RHOU: variants seen among roughly 807,000 people sequenced by gnomAD.
RHOU encodes the protein ras homolog family member U.
Under a neutral mutation model 12.6 loss-of-function variants are expected in RHOU, and 8 were observed. The observed-to-expected ratio is 0.64, with a 90% CI of 0.37 to 1.15. The LOEUF is 1.15. Among genes scored for constraint, RHOU ranks in the 50% most tolerant of loss-of-function variants. The pLI, the probability that RHOU is intolerant of heterozygous loss-of-function variation, is 0.01. For missense variants in RHOU, 258 were observed against 347.0 expected (o/e 0.74, Z 2.04); for synonymous variants, 161 against 147.4 (o/e 1.09, Z -0.67).
chr1:228,701,502 C>G, the RHOU span, among the ~76,000 whole-genome samples: 1 of 151,820 alleles, frequency 6.6e-6, no homozygotes, highest in Non-Finnish European at 1.5e-5. Context: ...TATTACTTTA[C>G]AAAAATCTTG....
At chr1:228,707,566 C>T in the RHOU span, among the ~76,000 whole-genome samples, 38 of 151,560 alleles carry the variant, frequency 2.5e-4, no homozygotes, top group Admixed American at 6.6e-5. Flanking sequence ...CTCACACGGC[C>T]GGGTACTCCA....
chr1:228,730,514 C>T (rs981457626), upstream of RHOU, among the ~76,000 whole-genome samples: 7 of 152,190 alleles, frequency 4.6e-5, no homozygotes, highest in Non-Finnish European at 8.8e-5. Flanking sequence ...GACCCTCCTC[C>T]ACTTCCCTTC....
In RHOU at chr1:228,745,483, G is replaced by A. The variant is rs577598672; in HGVS notation, c.*1743G>A. On this transcript the variant is annotated 3_prime_UTR_variant, in exon 3 of 3. Coordinates refer to ENST00000366691, the MANE Select transcript of RHOU (RefSeq NM_021205.6). Reference sequence around the variant, plus strand: ...AGTAAAAGATCAGGTTATACTTTAGGTTAGGGGTTCTATTTATTCCTGTTA... The same window carrying A: ...AGTAAAAGATCAGGTTATACTTTAGATTAGGGGTTCTATTTATTCCTGTTA... 6.6e-6 allele frequency: 1 copy of A among 152,142 alleles called. No individual in the cohort carries two copies. The highest frequency in any genetic ancestry group is 1.5e-5 in the Non-Finnish European group (1 of 68,028). The allele number at this position is 152,142 out of a possible 1,614,324, so 9.4% of individuals were successfully genotyped here.
In RHOU at chr1:228,737,705, C is replaced by T; in HGVS notation, c.295C>T (p.Leu99Phe). Residue 99 changes from leucine (L) to phenylalanine (F), a missense_variant, in exon 2 of 3, where the codon CTC becomes TTC. Physicochemically the swap from Leu to Phe is conservative, Grantham distance 22. Coordinates refer to ENST00000366691, the MANE Select transcript of RHOU (RefSeq NM_021205.6). The surrounding 1 kb of genome is among the most constrained non-coding windows in gnomAD (Gnocchi z 4.1). ...VVSVDGRPVR[L>F]QLCDTAGQDE... ...GTCTGTGGATGGGCGGCCCGTGAGA[C>T]TCCAACTCTGTGACACTGCCGGACA... 1.2e-6 allele frequency: 2 copies of T among 1,614,166 alleles called. No homozygotes were observed. The highest frequency in any genetic ancestry group is 1.1e-5 in the South Asian group (1 of 91,074).
chr1:228,714,443 T>G, the RHOU span, among the ~76,000 whole-genome samples: 1 of 152,174 alleles, frequency 6.6e-6, no homozygotes, highest in Non-Finnish European at 1.5e-5. Context: ...ATGATCTAGG[T>G]CTCGTGCATT....
upstream of RHOU, among the ~76,000 whole-genome samples, chr1:228,734,674 CAGG>C (rs1311190345): frequency 1.3e-5 from 2 of 152,154 alleles, no homozygotes; most frequent in African/African-American, 4.8e-5. Context: ...TGTACACCCC[CAGG>C]ACTCTTGGTA....
chr1:228,664,162 TG>T, the RHOU span, among the ~76,000 whole-genome samples: 3 of 151,078 alleles, frequency 2.0e-5, no homozygotes, highest in Non-Finnish European at 4.4e-5. Context: ...GGACTACAGA[TG>T]TGTGCCACCA....
upstream of RHOU, among the ~76,000 whole-genome samples, chr1:228,734,040 C>G (rs1662545282): frequency 6.6e-6 from 1 of 152,104 alleles, no homozygotes; most frequent in Admixed American, 6.5e-5. Context: ...ATTCTGTATC[C>G]CATTACACCC....
chr1:228,676,170 G>A, the RHOU span, among the ~76,000 whole-genome samples: 2 of 149,738 alleles, frequency 1.3e-5, no homozygotes, highest in African/African-American at 4.9e-5. Flanking sequence ...GAGTCTCCCT[G>A]TGTTGCACCA....
At position 228,745,576 on chromosome 1, in the gene RHOU, C is replaced by T. The variant is rs559859603; in HGVS notation, c.*1836C>T. 2.0e-5 allele frequency: 3 copies of T among 152,250 alleles called. No homozygotes were observed. In the East Asian group the frequency reaches 5.8e-4, roughly 29 times the overall value. 9.4% of individuals were successfully genotyped at this position (152,250 alleles called of 1,614,324 possible). A position where few individuals can be genotyped will look rare whatever the true frequency, so the allele number is the denominator to read the frequency against. On this transcript the variant is annotated 3_prime_UTR_variant, in exon 3 of 3. Coordinates refer to ENST00000366691, the MANE Select transcript of RHOU (RefSeq NM_021205.6). ...TCTTTAAACCACTAAAATACATAGACTGATTGATTATTCAACACATTGGAA... is the reference window on the plus strand; with the variant it reads ...TCTTTAAACCACTAAAATACATAGATTGATTGATTATTCAACACATTGGAA...
chr1:228,647,335 A>T, the RHOU span, among the ~76,000 whole-genome samples: 1 of 152,088 alleles, frequency 6.6e-6, no homozygotes, highest in Non-Finnish European at 1.5e-5. Flanking sequence ...AGATTTGCAG[A>T]GTGCGCCCGC....
At chr1:228,683,496 C>T in the RHOU span, among the ~76,000 whole-genome samples, 1 of 152,054 alleles carries the variant, frequency 6.6e-6, no homozygotes, top group Non-Finnish European at 1.5e-5. Flanking sequence ...GTTGGAACAA[C>T]AAATTTTCCA....
chr1:228,682,264 T>C, the RHOU span, among the ~76,000 whole-genome samples: 1 of 152,206 alleles, frequency 6.6e-6, no homozygotes, highest in Non-Finnish European at 1.5e-5. Context: ...GGACCTGACG[T>C]CATAGGTGGA....
the RHOU span, among the ~76,000 whole-genome samples, chr1:228,729,309 C>A: frequency 1.5e-3 from 230 of 152,288 alleles, no homozygotes; most frequent in African/African-American, 5.5e-3. Context: ...TATGTTCACT[C>A]ATTTTCTTGA....
chr1:228,658,501 C>T, the RHOU span, among the ~76,000 whole-genome samples: 18 of 152,294 alleles, frequency 1.2e-4, no homozygotes, highest in African/African-American at 4.1e-4. Flanking sequence ...ACGGGGCCTT[C>T]GCTAGACACT....
chr1:228,687,407 T>C, the RHOU span: 1 of 1,097,118 alleles, frequency 9.1e-7, no homozygotes, highest in South Asian at 1.2e-5. Flanking sequence ...AACCCCAACA[T>C]GCATGCACTG....
At chr1:228,688,460 T>A in the RHOU span, among the ~76,000 whole-genome samples, 2 of 152,164 alleles carry the variant, frequency 1.3e-5, no homozygotes, top group African/African-American at 4.8e-5. Context: ...GGCATTTGGG[T>A]TGCAAATCTC....
the RHOU span, among the ~76,000 whole-genome samples, chr1:228,670,534 C>A: frequency 6.6e-6 from 1 of 152,196 alleles, no homozygotes; most frequent in Non-Finnish European, 1.5e-5. Context: ...TTAGGAAAAG[C>A]CAACCTAAAA....
In RHOU at chr1:228,735,821, G is replaced by A; in HGVS notation, c.79G>A (p.Gly27Arg). The part of the protein sequence containing the change: ...PPVPPRRERG[G>R]RGGRGPGEPG... ...GGTGCCGCCGCGTCGGGAGCGCGGT[G>A]GACGCGGGGGACGCGGGCCTGGGGA... Residue 27 changes from glycine (G) to arginine (R), a missense_variant, in exon 1 of 3, where the codon GGA becomes AGA. By Grantham distance (125) the Gly-to-Arg change is moderately radical. Transcript: ENST00000366691. This position sits in a 1 kb window ranked among gnomAD's most constrained non-coding sequence, Gnocchi z 8.1. The A allele has an allele frequency of 3.3e-6, 4 of 1,226,316 alleles. No individual in the cohort carries two copies. The highest frequency in any genetic ancestry group is 4.1e-6 in the Non-Finnish European group (4 of 985,336). 76.0% of individuals were successfully genotyped at this position (1,226,316 alleles called of 1,614,324 possible). A position where few individuals can be genotyped will look rare whatever the true frequency, so the allele number is the denominator to read the frequency against.
Sources: allele counts gnomAD v4.1 joint callset (sites outside exome capture counted in the v4.1 genomes callset), GRCh38; gene constraint gnomAD v4.1.1; non-coding constraint Gnocchi (gnomAD v3.1); transcripts MANE v1.5; gene names NCBI Gene and HGNC (gene_info 2026-07-23, HGNC 2026-07-21).